Variants in WDR89 observed in about 807,000 individuals in gnomAD.
WDR89 encodes WD repeat domain 89.
A neutral mutation model predicts 29.1 loss-of-function variants in WDR89; 17 were observed. The observed-to-expected ratio is 0.58, with a 90% confidence interval of 0.40 to 0.88. The LOEUF (loss-of-function observed/expected upper bound fraction) is 0.88, where lower values mean the gene tolerates loss of function less well. Among genes scored for constraint, WDR89 ranks in the 40% least tolerant of loss-of-function variants. The probability of loss-of-function intolerance (pLI) is 0.00; values close to 1 mark genes in which losing one functional copy is unlikely to be tolerated. For synonymous variants in WDR89, 138 were observed against 157.8 expected (o/e 0.87, Z 0.94); for missense variants, 396 against 456.3 (o/e 0.87, Z 1.20).
intron 1 of WDR89, among the ~76,000 whole-genome samples, chr14:63,635,832 C>T (rs1365004947): frequency 1.3e-5 from 2 of 152,190 alleles, no homozygotes; most frequent in Non-Finnish European, 1.5e-5. Flanking sequence ...TATACATCAA[C>T]AGCGACCAAG....
chr14:63,620,021 A>AG (rs1363265754), intron 2 of WDR89, among the ~76,000 whole-genome samples: 2 of 151,856 alleles, frequency 1.3e-5, no homozygotes, highest in East Asian at 1.9e-4. Context: ...AAAAAAAAAA[A>AG]AAAGAAAAAG....
chr14:63,629,220 A>C (rs1883252248), intron 1 of WDR89, among the ~76,000 whole-genome samples: 1 of 152,212 alleles, frequency 6.6e-6, no homozygotes, highest in Non-Finnish European at 1.5e-5. Context: ...TAGTGGATTT[A>C]AGCAGAACAT....
chr14:63,635,830 A>G (rs1281911902), intron 1 of WDR89, among the ~76,000 whole-genome samples: 4 of 152,228 alleles, frequency 2.6e-5, no homozygotes, highest in African/African-American at 9.6e-5. Context: ...TCTATACATC[A>G]ACAGCGACCA....
Position 63,613,503 on chromosome 14 carries a change from A to AT in WDR89, c.-32+11424dup, listed in dbSNP as rs879462925. ...TTCCAGCTCTTTTTTATACTGCTGAATTTTTTTTTTTTTTTTTGAGACAAG... is the reference window on the plus strand; with the variant it reads ...TTCCAGCTCTTTTTTATACTGCTGAATTTTTTTTTTTTTTTTTTGAGACAAG... On this transcript the variant is annotated intron_variant, in intron 2 of 2. Coordinates refer to ENST00000620954, the MANE Select transcript of WDR89 (RefSeq NM_080666.4). 6.0e-3 allele frequency among the ~76,000 whole-genome samples: 838 copies of AT among 139,194 alleles called. 4 individuals carry two copies. The highest frequency in any genetic ancestry group is 9.0e-3 in the African/African-American group (337 of 37,282). 91.3% of individuals were successfully genotyped at this position (139,194 alleles called of 152,430 possible). A position where few individuals can be genotyped will look rare whatever the true frequency, so the allele number is the denominator to read the frequency against.
At chr14:63,611,426 T>C (rs1384875802) in intron 2 of WDR89, among the ~76,000 whole-genome samples, 1 of 148,914 alleles carries the variant, frequency 6.7e-6, no homozygotes, top group Admixed American at 6.7e-5. Context: ...ATCATGATGA[T>C]GTGATGATGA....
At chr14:63,602,632 C>A (rs1398450130) in intron 2 of WDR89, among the ~76,000 whole-genome samples, 1 of 148,878 alleles carries the variant, frequency 6.7e-6, no homozygotes, top group Non-Finnish European at 1.5e-5. Flanking sequence ...ATTAGCCAGG[C>A]GTGGTGGCAC....
At chr14:63,608,575 A>G (rs1215896960) in intron 2 of WDR89, among the ~76,000 whole-genome samples, 2 of 152,078 alleles carry the variant, frequency 1.3e-5, no homozygotes, top group African/African-American at 4.8e-5. Flanking sequence ...AGTTTCTTAT[A>G]AATATTAATA....
chr14:63,617,843 T>A (rs1882417233), intron 2 of WDR89, among the ~76,000 whole-genome samples: 1 of 152,130 alleles, frequency 6.6e-6, no homozygotes, highest in South Asian at 2.1e-4. Flanking sequence ...TGTGGATGAA[T>A]CTCAGAATTG....
chr14:63,601,332 C>A lies in WDR89; in HGVS notation c.-31-1359G>T, dbSNP rs564298881. Among the ~76,000 whole-genome samples, 12 of 151,422 alleles carry A rather than the reference C, an allele frequency of 7.9e-5. No homozygotes were observed. In the South Asian group the frequency reaches 2.5e-3, roughly 32 times the overall value. On this transcript the variant is annotated intron_variant, in intron 2 of 2. Coordinates refer to ENST00000620954, the MANE Select transcript of WDR89 (RefSeq NM_080666.4). ...TGTGATAGTAGAACTGGGATTTGAA[C>A]CTAGGCATTCTGGCTTCAGGCTTCA... is the stretch of plus-strand genomic sequence containing the variant.
Position 63,599,909 on chromosome 14 carries a change from G to A in WDR89, c.34C>T (p.His12Tyr). The change falls in exon 3 of 3, where the codon CAC (histidine) becomes TAC (tyrosine). Residue 12 changes from histidine (H) to tyrosine (Y), a missense_variant. Transcript: ENST00000620954. ...GTTCCTAAGGAACATTTAACAATGT[G>A]CAGATTAGCAAATTGTTCCTCAATC... ...EKIEEQFANL[H>Y]IVKCSLGTKE... 6.2e-7 allele frequency: 1 copy of A among 1,606,532 alleles called. No individual in the cohort carries two copies. Among genetic ancestry groups the A allele is most frequent in the Non-Finnish European group, 8.5e-7 (1 of 1,174,766 alleles).
intron 1 of WDR89, among the ~76,000 whole-genome samples, chr14:63,632,058 G>A (rs892002142): frequency 2.6e-5 from 4 of 151,748 alleles, no homozygotes; most frequent in African/African-American, 9.7e-5. Flanking sequence ...GCTGCAGTGA[G>A]CCGACAGTGC....
intron 1 of WDR89, chr14:63,641,154 A>C (rs1884103854): frequency 6.6e-6 from 1 of 152,108 alleles, no homozygotes; most frequent in Non-Finnish European, 1.5e-5. Flanking sequence ...AACAGGAGCA[A>C]CATTTTACAA....
At chr14:63,640,629 C>T (rs962324363) in intron 1 of WDR89, among the ~76,000 whole-genome samples, 26 of 150,574 alleles carry the variant, frequency 1.7e-4, no homozygotes, top group African/African-American at 6.3e-4. Flanking sequence ...GCTGGGACTA[C>T]AGGCGCCCGC....
Position 63,598,509 on chromosome 14 carries a change from A to G in WDR89, c.*270T>C. ...CTTCTAAAAAGTCCTTATCGGAGCT[A>G]TTTCTTTAAAGCCAACATTTACTAC... On this transcript the variant is annotated 3_prime_UTR_variant, in exon 3 of 3. Coordinates refer to ENST00000620954, the MANE Select transcript of WDR89 (RefSeq NM_080666.4). 3.9e-6 allele frequency: 1 copy of G among 255,970 alleles called. No homozygotes were observed. Among genetic ancestry groups the G allele is most frequent in the Non-Finnish European group, 7.3e-6 (1 of 137,154 alleles). The allele number at this position is 255,970 out of a possible 1,614,324, so 15.9% of individuals were successfully genotyped here.
In WDR89 at chr14:63,599,249, T is replaced by A. The variant is rs551757796; in HGVS notation, c.694A>T (p.Ile232Phe). ...CCTTCATCATGTGTCATGCAGTAAA[T>A]CTGTTTATAACCTTTCCCAGACCAA... Reference protein sequence around the residue: ...IGWSGKGYKQIYCMTHDEGFY... With the variant: ...IGWSGKGYKQFYCMTHDEGFY... The change falls in exon 3 of 3, where the codon ATT becomes TTT. Residue 232 changes from isoleucine to phenylalanine, a missense_variant. Ile to Phe is a conservative substitution (Grantham distance 21). Transcript: ENST00000620954. 6.2e-7 allele frequency: 1 copy of A among 1,609,152 alleles called. No individual in the cohort carries two copies. The highest frequency in any genetic ancestry group is 1.3e-5 in the African/African-American group (1 of 74,950).
intron 1 of WDR89, among the ~76,000 whole-genome samples, chr14:63,632,702 T>C (rs1218299476): frequency 6.6e-6 from 1 of 151,758 alleles, no homozygotes; most frequent in Non-Finnish European, 1.5e-5. Flanking sequence ...TGATAGCAGA[T>C]GAATTATACA....
At chr14:63,605,623 C>A (rs1160236013) in intron 2 of WDR89, among the ~76,000 whole-genome samples, 1 of 152,136 alleles carries the variant, frequency 6.6e-6, no homozygotes, top group Non-Finnish European at 1.5e-5. Flanking sequence ...CAATGCCCAG[C>A]TAATTTTTGT....
chr14:63,625,650 C>A (rs1185354606), intron 1 of WDR89, among the ~76,000 whole-genome samples: 2 of 152,032 alleles, frequency 1.3e-5, no homozygotes, highest in Non-Finnish European at 2.9e-5. Context: ...GGTGCTGGTA[C>A]CGATTTGAGT....
chr14:63,629,654 T>C (rs1324795070), intron 1 of WDR89, among the ~76,000 whole-genome samples: 4 of 152,194 alleles, frequency 2.6e-5, no homozygotes, highest in Non-Finnish European at 5.9e-5. Flanking sequence ...AAGTTTAGTA[T>C]TGCTGATCAT....
Sources: gnomAD v4.1 joint callset for allele counts (sites outside exome capture counted in the v4.1 genomes callset) on GRCh38, gnomAD v4.1.1 for gene constraint, MANE v1.5 for transcripts, NCBI Gene and HGNC (gene_info 2026-07-23, HGNC 2026-07-21) for gene names.